Variants in PRKACB observed in about 807,000 individuals in gnomAD.
PRKACB encodes the protein cAMP-dependent protein kinase catalytic subunit beta.
A neutral mutation model predicts 51.4 loss-of-function variants in PRKACB; 16 were observed. The observed-to-expected ratio is 0.31, with a 90% CI of 0.21 to 0.47. PRKACB has a LOEUF of 0.47. Among genes scored for constraint, PRKACB ranks in the 20% least tolerant of loss-of-function variants. The probability of loss-of-function intolerance (pLI) is 1.00; values close to 1 mark genes in which losing one functional copy is unlikely to be tolerated. For synonymous variants in PRKACB, 147 were observed against 154.4 expected (o/e 0.95, Z 0.35); for missense variants, 309 against 464.5 (o/e 0.67, Z 3.08).
chr1:84,109,347 TG>T (rs1650029818), intron 1 of PRKACB, among the ~76,000 whole-genome samples: 1 of 152,022 alleles, frequency 6.6e-6, no homozygotes, highest in Non-Finnish European at 1.5e-5. Context: ...TAGCATTGCA[TG>T]AGGGTTCTCA....
intron 9 of PRKACB, among the ~76,000 whole-genome samples, chr1:84,230,170 C>G (rs1675370868): frequency 6.6e-6 from 1 of 151,834 alleles, no homozygotes; most frequent in South Asian, 2.1e-4. Flanking sequence ...GTTTTCCCAG[C>G]ACCATTTATT....
chr1:84,226,496 G>A (rs899753034), intron 9 of PRKACB, among the ~76,000 whole-genome samples: 11 of 151,950 alleles, frequency 7.2e-5, no homozygotes, highest in African/African-American at 2.7e-4. Flanking sequence ...TTATATTTTG[G>A]TTGCTATTAT....
At chr1:84,085,991 G>C (rs947700884) in intron 1 of PRKACB, 1 of 732,468 alleles carries the variant, frequency 1.4e-6, no homozygotes, top group East Asian at 2.5e-5. Flanking sequence ...GGATTTCCAC[G>C]CACAGTGGTG....
chr1:84,198,441 G>A (rs1308798160), intron 7 of PRKACB, among the ~76,000 whole-genome samples: 1 of 152,078 alleles, frequency 6.6e-6, no homozygotes, highest in Non-Finnish European at 1.5e-5. Flanking sequence ...ACAAATAGGA[G>A]AGAGGAAAAG....
intron 1 of PRKACB, among the ~76,000 whole-genome samples, chr1:84,079,349 G>A (rs974554140): frequency 6.6e-6 from 1 of 152,172 alleles, no homozygotes; most frequent in African/African-American, 2.4e-5. Flanking sequence ...AGTGGGCCTG[G>A]TGATTTTAGT....
chr1:84,156,158 T>G (rs1052520992), intron 1 of PRKACB, among the ~76,000 whole-genome samples: 1 of 152,044 alleles, frequency 6.6e-6, no homozygotes, highest in Non-Finnish European at 1.5e-5. Flanking sequence ...CAGGCTAATT[T>G]TTTTTAAGTT....
chr1:84,175,804 T>C, intron 1 of PRKACB: 1 of 1,572,686 alleles, frequency 6.4e-7, no homozygotes, highest in East Asian at 2.3e-5. Context: ...TGTAGATTCC[T>C]TTGGTATGCT....
At chr1:84,184,974 T>G in intron 4 of PRKACB, 126 bp from the exon 5 acceptor site, 1 of 464,402 alleles carries the variant, frequency 2.2e-6, no homozygotes, top group Non-Finnish European at 3.6e-6. Flanking sequence ...GTTCCATTTA[T>G]TCTTTATTTC....
At chr1:84,193,574 T>A (rs538007929) in intron 5 of PRKACB, among the ~76,000 whole-genome samples, 8 of 152,250 alleles carry the variant, frequency 5.3e-5, no homozygotes, top group African/African-American at 1.9e-4. Flanking sequence ...TAGCAAAGTT[T>A]TGGGGAGCTG....
chr1:84,212,461 T>C (rs116406051), intron 8 of PRKACB, among the ~76,000 whole-genome samples: 1,715 of 147,696 alleles, frequency 0.012, 42 homozygotes, highest in African/African-American at 0.044. Context: ...AACATGAGAA[T>C]GTATGTCAAG....
At chr1:84,224,255 A>G (rs1674215917) in intron 9 of PRKACB, among the ~76,000 whole-genome samples, 1 of 152,308 alleles carries the variant, frequency 6.6e-6, no homozygotes, top group African/African-American at 2.4e-5. Context: ...ATACACTGGC[A>G]TCAATTTTAG....
At chr1:84,202,827 T>G (rs1370107993) in intron 8 of PRKACB, 22 bp downstream of exon 8, 1 of 1,554,972 alleles carries the variant, frequency 6.4e-7, no homozygotes, top group South Asian at 1.1e-5. Context: ...ATTTTATTAT[T>G]CCTCTCTTAT....
intron 4 of PRKACB, 109 bp downstream of exon 4, chr1:84,184,244 C>T (rs1037034236): frequency 6.8e-6 from 6 of 883,944 alleles, no homozygotes; most frequent in Non-Finnish European, 3.3e-6. Flanking sequence ...TATGAATAAA[C>T]AAAACGAATA....
intron 1 of PRKACB, among the ~76,000 whole-genome samples, chr1:84,127,082 A>G (rs1253351325): frequency 1.3e-5 from 2 of 152,098 alleles, no homozygotes; most frequent in Non-Finnish European, 2.9e-5. Context: ...TCTGCATGGC[A>G]TACTCTTCTT....
At chr1:84,233,053 G>A (rs1012612868) in intron 9 of PRKACB, among the ~76,000 whole-genome samples, 27 of 151,462 alleles carry the variant, frequency 1.8e-4, no homozygotes, top group East Asian at 4.0e-4. Context: ...AACTGGTACC[G>A]GTTGTTCCTT....
intron 1 of PRKACB, among the ~76,000 whole-genome samples, chr1:84,158,449 A>G (rs1655787587): frequency 6.6e-6 from 1 of 152,156 alleles, no homozygotes; most frequent in Non-Finnish European, 1.5e-5. Context: ...TCAAGTTTTT[A>G]TAACCCATTT....
At chr1:84,178,978 T>C (rs1662279954) in intron 1 of PRKACB, 199 bp from the exon 2 acceptor site, 2 of 472,274 alleles carry the variant, frequency 4.2e-6, no homozygotes, top group South Asian at 1.1e-4. Context: ...TAGAACAATA[T>C]TAGAGAATCT....
chr1:84,102,003 C>A (rs1649382959), intron 1 of PRKACB, among the ~76,000 whole-genome samples: 1 of 151,992 alleles, frequency 6.6e-6, no homozygotes, highest in Non-Finnish European at 1.5e-5. Flanking sequence ...AAAATAACTA[C>A]CTTTTAAAAA....
At chr1:84,127,156 G>C (rs934538447) in intron 1 of PRKACB, among the ~76,000 whole-genome samples, 5 of 152,090 alleles carry the variant, frequency 3.3e-5, no homozygotes, top group Non-Finnish European at 7.4e-5. Context: ...TATGTTACCT[G>C]AAACACATTA....
Sources: allele counts gnomAD v4.1 joint callset (sites outside exome capture counted in the v4.1 genomes callset), GRCh38; gene constraint gnomAD v4.1.1; transcripts MANE v1.5; gene names NCBI Gene and HGNC (gene_info 2026-07-23, HGNC 2026-07-21).